Variants in MAMLD1 observed in about 807,000 individuals in gnomAD.
The protein encoded by MAMLD1 is mastermind like domain containing 1.
Under a neutral mutation model 45.0 loss-of-function variants are expected in MAMLD1, and 14 were observed. The ratio of observed to expected loss-of-function variants is 0.31; its 90% CI spans 0.21 to 0.49. The LOEUF is 0.49. MAMLD1 is among the 20% of genes least tolerant of loss of function. The pLI is 0.99. For synonymous variants in MAMLD1, 254 were observed against 247.8 expected (o/e 1.02, Z -0.24); for missense variants, 543 against 603.6 (o/e 0.90, Z 1.05).
intron 1 of MAMLD1, among the ~76,000 whole-genome samples, chrX:150,386,607 T>C (rs781860657): frequency 8.9e-6 from 1 of 112,122 alleles, no homozygotes; most frequent in East Asian, 2.8e-4. Context: ...TGTCCAGGCC[T>C]TCTTGCTGTG....
chrX:150,389,437 C>T (rs375318972), intron 1 of MAMLD1, among the ~76,000 whole-genome samples: 61 of 111,903 alleles, frequency 5.5e-4, no homozygotes, highest in African/African-American at 1.9e-3. Context: ...AAGTATTTGG[C>T]GATTTTCTTG....
chrX:150,410,363 G>A lies in MAMLD1; in HGVS notation c.-63-35091G>A, dbSNP rs913380767. 8.0e-5 allele frequency among the ~76,000 whole-genome samples: 9 copies of A among 112,451 alleles called. No individual in the cohort carries two copies. The South Asian group carries it at 1.1e-3, about 14-fold the overall frequency. ...CTTTCCAGAGCCATTTGCCACAAGG[G>A]GGAATTCTTGCACTCACTCATTAAT... On this transcript the variant is annotated intron_variant, in intron 1 of 7. Transcript: ENST00000370401.
At chrX:150,500,414 T>C (rs1359534165) in intron 5 of MAMLD1, among the ~76,000 whole-genome samples, 1 of 110,403 alleles carries the variant, frequency 9.1e-6, no homozygotes, top group African/African-American at 3.3e-5. Context: ...TGCACTTGCA[T>C]CTCTAGTCTT....
chrX:150,428,497 T>C (rs1434747353), intron 1 of MAMLD1, among the ~76,000 whole-genome samples: 2 of 112,509 alleles, frequency 1.8e-5, no homozygotes, highest in East Asian at 5.6e-4. Flanking sequence ...GGATTTGGTT[T>C]CTTTCTATCA....
intron 1 of MAMLD1, among the ~76,000 whole-genome samples, chrX:150,380,867 T>TTC (rs1267931526): frequency 2.0e-4 from 22 of 110,671 alleles, no homozygotes; most frequent in African/African-American, 6.3e-4. Context: ...CTAAATTTTT[T>TTC]TTTTTTTAAT....
chrX:150,497,446 GCTAA>G (rs1183941878), intron 5 of MAMLD1, among the ~76,000 whole-genome samples: 3 of 108,794 alleles, frequency 2.8e-5, no homozygotes, highest in African/African-American at 1.0e-4. Flanking sequence ...ACCATGCCCG[GCTAA>G]CTTTTTGTAT....
intron 5 of MAMLD1, among the ~76,000 whole-genome samples, chrX:150,486,197 A>G (rs782810193): frequency 8.9e-6 from 1 of 111,936 alleles, no homozygotes; most frequent in Non-Finnish European, 1.9e-5. Flanking sequence ...CATGAGCCTC[A>G]TCCTAAGGCT....
chrX:150,406,860 A>G (rs2034010375), intron 1 of MAMLD1, among the ~76,000 whole-genome samples: 2 of 110,877 alleles, frequency 1.8e-5, no homozygotes, highest in Non-Finnish European at 3.8e-5. Context: ...CTTCTCAGCC[A>G]TTTCCCAGGA....
intron 1 of MAMLD1, among the ~76,000 whole-genome samples, chrX:150,367,346 AT>A (rs368927475): frequency 0.015 from 1,655 of 111,357 alleles, 34 homozygotes; most frequent in African/African-American, 0.052. Flanking sequence ...AAGGAAAGGG[AT>A]TTTTTTAGCT....
chrX:150,487,451 C>A (rs184618840), intron 5 of MAMLD1, among the ~76,000 whole-genome samples: 1 of 112,244 alleles, frequency 8.9e-6, no homozygotes, highest in Non-Finnish European at 1.9e-5. Flanking sequence ...CCTCCCCAAC[C>A]CCATCTACTA....
chrX:150,439,726 G>T (rs1249547790), intron 1 of MAMLD1, among the ~76,000 whole-genome samples: 12 of 111,620 alleles, frequency 1.1e-4, no homozygotes, highest in African/African-American at 3.9e-4. Flanking sequence ...CTTGAGGTCA[G>T]GAGTTCCAGA....
At chrX:150,459,406 C>G (rs1041133826) in intron 2 of MAMLD1, among the ~76,000 whole-genome samples, 1 of 111,181 alleles carries the variant, frequency 9.0e-6, no homozygotes, top group East Asian at 2.8e-4. Context: ...CTCTCTCTCT[C>G]TCTTTCTCTA....
In MAMLD1 at chrX:150,471,330, C is replaced by T. The variant is rs1557406531; in HGVS notation, c.1757C>T (p.Ala586Val). 8.3e-7 allele frequency: 1 copy of T among 1,211,216 alleles called. No individual in the cohort carries two copies. The highest frequency in any genetic ancestry group is 2.2e-5 in the Admixed American group (1 of 46,006). ...PTPTQASSAT[A>V]SSTATATLQL... ...CCAACGCAGGCCTCCTCAGCCACTG[C>T]CTCCTCCACGGCCACTGCCACCTTG... The change falls in exon 4 of 8, where the codon GCC (alanine) becomes GTC (valine). Residue 586 changes from alanine (A) to valine (V), a missense_variant. Coordinates refer to ENST00000370401, the MANE Select transcript of MAMLD1 (RefSeq NM_005491.5).
chrX:150,460,233 A>G (rs1270409739), intron 2 of MAMLD1, among the ~76,000 whole-genome samples: 3 of 111,884 alleles, frequency 2.7e-5, no homozygotes, highest in African/African-American at 6.5e-5. Flanking sequence ...TTCCATGTCC[A>G]ATCCCATGTC....
At chrX:150,414,233 A>C (rs374961032) in intron 1 of MAMLD1, among the ~76,000 whole-genome samples, 1 of 110,988 alleles carries the variant, frequency 9.0e-6, no homozygotes. Flanking sequence ...TGTTTAAGAC[A>C]AAAGCAAAAA....
chrX:150,368,454 T>C (rs782423271), intron 1 of MAMLD1, among the ~76,000 whole-genome samples: 76 of 110,423 alleles, frequency 6.9e-4, no homozygotes, highest in African/African-American at 2.1e-3. Context: ...GTAGATTCTG[T>C]ATATTAGCCC....
rs781923038 is a variant in MAMLD1 at position 150,513,913 on chromosome X, TG to T, written c.*1961del. ...TGTTTTGATGTAAGGCTCTGTGGTT[TG>T]GGGGGGAACATCTGTAAACATTATT... On this transcript the variant is annotated 3_prime_UTR_variant, in exon 8 of 8. Coordinates refer to ENST00000370401, the MANE Select transcript of MAMLD1 (RefSeq NM_005491.5). The T allele has an allele frequency of 1.0e-5, 3 of 295,874 alleles. No individual in the cohort carries two copies. The highest frequency in any genetic ancestry group is 1.8e-5 in the Non-Finnish European group (3 of 169,990). 24.4% of individuals were successfully genotyped at this position (295,874 alleles called of 1,213,427 possible).
chrX:150,495,082 T>G (rs2037332771), intron 5 of MAMLD1, among the ~76,000 whole-genome samples: 1 of 111,568 alleles, frequency 9.0e-6, no homozygotes, highest in South Asian at 3.7e-4. Flanking sequence ...GGCATGTGCC[T>G]GTAATCCTAG....
chrX:150,477,370 G>A (rs1557406898), intron 5 of MAMLD1, among the ~76,000 whole-genome samples: 1 of 112,370 alleles, frequency 8.9e-6, no homozygotes, highest in African/African-American at 3.2e-5. Context: ...GTAACCCAAT[G>A]GAATGAATTT....
Sources: allele counts gnomAD v4.1 joint callset (sites outside exome capture counted in the v4.1 genomes callset), GRCh38; gene constraint gnomAD v4.1.1; transcripts MANE v1.5; gene names NCBI Gene and HGNC (gene_info 2026-07-23, HGNC 2026-07-21).